Variants in ILRUN observed in about 807,000 individuals in gnomAD.
ILRUN encodes the protein protein ILRUN.
Under a neutral mutation model 33.8 loss-of-function variants are expected in ILRUN, and 3 were observed. The observed-to-expected ratio is 0.09, with a 90% CI of 0.04 to 0.23. ILRUN has a LOEUF of 0.23. Among genes scored for constraint, ILRUN ranks in the 10% least tolerant of loss-of-function variants. The probability of loss-of-function intolerance (pLI) is 1.00; values close to 1 mark genes in which losing one functional copy is unlikely to be tolerated. For synonymous variants in ILRUN, 124 were observed against 138.9 expected (o/e 0.89, Z 0.75); for missense variants, 210 against 375.1 (o/e 0.56, Z 3.64).
chr6:34,688,752 G>A (rs1269405731), intron 1 of ILRUN, among the ~76,000 whole-genome samples: 1 of 151,982 alleles, frequency 6.6e-6, no homozygotes, highest in African/African-American at 2.4e-5. Flanking sequence ...GGCAGAGGTT[G>A]TAGTGAGCCG....
chr6:34,653,607 T>A (rs1229957419), intron 2 of ILRUN, among the ~76,000 whole-genome samples: 2 of 152,142 alleles, frequency 1.3e-5, no homozygotes, highest in African/African-American at 4.8e-5. Flanking sequence ...TTCTTTTTAG[T>A]GTTTGTAGAG....
At chr6:34,696,405 C>A (rs369103489) in intron 1 of ILRUN, 41 bp downstream of exon 1, 279 of 1,534,684 alleles carry the variant, frequency 1.8e-4, no homozygotes, top group Non-Finnish European at 2.2e-4. Flanking sequence ...CTCGGGGCCC[C>A]CGAGGCCGCT....
Position 34,696,629 on chromosome 6 carries a change from C to G in ILRUN, c.-26G>C, listed in dbSNP as rs1256004358. On this transcript the variant is annotated 5_prime_UTR_variant, in exon 1 of 5. Transcript: ENST00000374023. Reference sequence around the variant, plus strand: ...GGCGGGGACCGGACACCCGCTTCCCCGCCTCTTCACAACCAAGCCGCCGCC... The same window carrying G: ...GGCGGGGACCGGACACCCGCTTCCCGGCCTCTTCACAACCAAGCCGCCGCC... 4 of 1,592,980 alleles carry G rather than the reference C, an allele frequency of 2.5e-6. No homozygotes were observed. Among genetic ancestry groups the G allele is most frequent in the African/African-American group, 2.7e-5 (2 of 74,468 alleles).
Position 34,588,033 on chromosome 6 carries a change from G to A in ILRUN, c.*2532C>T, listed in dbSNP as rs190543604. 161 of 398,716 alleles carry A rather than the reference G, an allele frequency of 4.0e-4. No individual in the cohort carries two copies. Among genetic ancestry groups the A allele is most frequent in the African/African-American group, 2.9e-3 (139 of 48,754 alleles). 24.7% of individuals were successfully genotyped at this position (398,716 alleles called of 1,614,324 possible). A position where few individuals can be genotyped will look rare whatever the true frequency, so the allele number is the denominator to read the frequency against. On this transcript the variant is annotated 3_prime_UTR_variant, in exon 5 of 5. Transcript: ENST00000374023. ...GCCACTACCACCCCACTAGGCAGGGGAGCAGAGAGGGGCCCTAGGCATTGC... is the reference window on the plus strand; with the variant it reads ...GCCACTACCACCCCACTAGGCAGGGAAGCAGAGAGGGGCCCTAGGCATTGC...
intron 3 of ILRUN, among the ~76,000 whole-genome samples, chr6:34,626,756 C>G (rs1762141847): frequency 6.6e-6 from 1 of 152,152 alleles, no homozygotes; most frequent in Non-Finnish European, 1.5e-5. Context: ...GCCTGTAATC[C>G]TAGCACTTTA....
At chr6:34,606,186 A>C (rs1761625244) in intron 4 of ILRUN, among the ~76,000 whole-genome samples, 1 of 152,236 alleles carries the variant, frequency 6.6e-6, no homozygotes. Context: ...AGACATCAAC[A>C]AGACATGCAA....
intron 1 of ILRUN, among the ~76,000 whole-genome samples, chr6:34,681,965 A>C (rs551834604): frequency 2.8e-5 from 4 of 143,034 alleles, no homozygotes; most frequent in Admixed American, 2.2e-4. Context: ...GATTCACCTG[A>C]CTCAGCCTCC....
Position 34,629,291 on chromosome 6 carries a change from T to C in ILRUN, c.511+17310A>G, listed in dbSNP as rs12111372. On this transcript the variant is annotated intron_variant, in intron 3 of 4. Transcript: ENST00000374023. ...GAGCAAGCTATGACAAACTGTGTAC[T>C]TCAAGGAATTATTCCATGATATCTA... is the stretch of plus-strand genomic sequence containing the variant. Among the ~76,000 whole-genome samples, 1,118 of 152,322 alleles carry C rather than the reference T, an allele frequency of 7.3e-3. 22 individuals are homozygous for C. The highest frequency in any genetic ancestry group is 0.026 in the African/African-American group (1,063 of 41,564).
rs555568188 is a variant in ILRUN at position 34,640,441 on chromosome 6, G to A, written c.511+6160C>T. ...AAAATAAAGGGAGTGGGCCGGGCGC[G>A]GTGGCTCATGTCTGTAATCCTAGCA... On this transcript the variant is annotated intron_variant, in intron 3 of 4. Coordinates refer to ENST00000374023, the MANE Select transcript of ILRUN (RefSeq NM_024294.4). Among the ~76,000 whole-genome samples, 4 of 152,236 alleles carry A rather than the reference G, an allele frequency of 2.6e-5. No homozygotes were observed. In the South Asian group the frequency reaches 6.2e-4, roughly 24 times the overall value.
At position 34,592,708 on chromosome 6, in the gene ILRUN, A is replaced by C. The variant is rs1761320363; in HGVS notation, c.862-2108T>G. On this transcript the variant is annotated intron_variant, in intron 4 of 4. Transcript: ENST00000374023. This position sits in a 1 kb window ranked among gnomAD's most constrained non-coding sequence, Gnocchi z 4.0. ...AAAAATGCAGTTAACTTTTACACCA[A>C]CCTAATAGAACGTAAAGCAGCTTAA... Among the ~76,000 whole-genome samples, 3 of 152,170 alleles carry C rather than the reference A, an allele frequency of 2.0e-5. No homozygotes were observed. The highest frequency in any genetic ancestry group is 4.4e-5 in the Non-Finnish European group (3 of 68,022).
intron 1 of ILRUN, among the ~76,000 whole-genome samples, chr6:34,674,775 T>C (rs1763191384): frequency 6.6e-6 from 1 of 152,094 alleles, no homozygotes; most frequent in East Asian, 1.9e-4. Flanking sequence ...AAACTCTGAG[T>C]TTCAGCTGGG....
At chr6:34,637,285 T>A (rs1227922142) in intron 3 of ILRUN, among the ~76,000 whole-genome samples, 1 of 152,222 alleles carries the variant, frequency 6.6e-6, no homozygotes, top group Non-Finnish European at 1.5e-5. Context: ...ATACAAATTA[T>A]GCTGAAATAT....
chr6:34,595,074 C>G (rs1761374250), intron 4 of ILRUN, among the ~76,000 whole-genome samples: 1 of 152,318 alleles, frequency 6.6e-6, no homozygotes, highest in East Asian at 1.9e-4. Flanking sequence ...TCAGTCTCAT[C>G]CTTATCAATC....
chr6:34,605,687 C>G (rs1761615310), intron 4 of ILRUN, among the ~76,000 whole-genome samples: 1 of 152,122 alleles, frequency 6.6e-6, no homozygotes, highest in Non-Finnish European at 1.5e-5. Context: ...ATCATTCTTA[C>G]AACATAGTCA....
intron 1 of ILRUN, among the ~76,000 whole-genome samples, chr6:34,676,655 A>G (rs1325115271): frequency 1.3e-5 from 2 of 151,850 alleles, no homozygotes; most frequent in Non-Finnish European, 2.9e-5. Flanking sequence ...GGTGCACACC[A>G]CCTCGCCCAG....
At chr6:34,597,382 C>T (rs6936924) in intron 4 of ILRUN, among the ~76,000 whole-genome samples, 2 of 152,112 alleles carry the variant, frequency 1.3e-5, no homozygotes, top group South Asian at 2.1e-4. Flanking sequence ...AGAGGAAGAA[C>T]GAACAGTAAC....
chr6:34,680,307 A>C (rs1763332711), intron 1 of ILRUN, among the ~76,000 whole-genome samples: 1 of 152,356 alleles, frequency 6.6e-6, no homozygotes. Flanking sequence ...TAAAGCAAGC[A>C]CAAGTACAAC....
chr6:34,688,122 G>T (rs1421758984), intron 1 of ILRUN, among the ~76,000 whole-genome samples: 1 of 152,344 alleles, frequency 6.6e-6, no homozygotes, highest in Middle Eastern at 3.4e-3. Flanking sequence ...GGCCAGGGGT[G>T]GGGGTTGGGG....
chr6:34,684,800 T>C (rs1403204966), intron 1 of ILRUN, among the ~76,000 whole-genome samples: 1 of 152,152 alleles, frequency 6.6e-6, no homozygotes, highest in Admixed American at 6.6e-5. Context: ...AGCAGCAGCC[T>C]AGTTTGAACA....
Sources: allele counts gnomAD v4.1 joint callset (sites outside exome capture counted in the v4.1 genomes callset), GRCh38; gene constraint gnomAD v4.1.1; non-coding constraint Gnocchi (gnomAD v3.1); transcripts MANE v1.5; gene names NCBI Gene and HGNC (gene_info 2026-07-23, HGNC 2026-07-21).